Variants in NUP210L observed in about 807,000 individuals in gnomAD.
The protein encoded by NUP210L is nuclear pore membrane glycoprotein 210-like.
In NUP210L, 74 loss-of-function variants were observed where a neutral mutation model predicts 208.5. That is an observed-to-expected ratio of 0.35 (90% CI 0.29 to 0.43). The LOEUF is 0.43. NUP210L is among the 20% of genes least tolerant of loss of function. The pLI is 1.00. For missense variants in NUP210L, 1,843 were observed against 2,289.4 expected, an observed-to-expected ratio of 0.81 and a Z score of 3.98; for synonymous variants, 780 against 816.9, an observed-to-expected ratio of 0.95 and a Z score of 0.77.
chr1:154,054,530 C>T (rs1439611407), intron 24 of NUP210L, 123 bp from the exon 25 acceptor site: 3 of 894,062 alleles, frequency 3.4e-6, no homozygotes, highest in Non-Finnish European at 5.2e-6. Flanking sequence ...CAACATATCC[C>T]ATATCAACTC....
intron 32 of NUP210L, among the ~76,000 whole-genome samples, chr1:154,021,439 A>G (rs925291108): frequency 6.6e-6 from 1 of 151,868 alleles, no homozygotes; most frequent in African/African-American, 2.4e-5. Context: ...GTGAGCAGAG[A>G]TCATGTCACT....
exon 35 of NUP210L, chr1:154,009,994 A>G: frequency 1.2e-6 from 2 of 1,612,388 alleles, no homozygotes; most frequent in Non-Finnish European, 1.7e-6. Context: ...TGAAATCTGA[A>G]TGGACCTGAA....
At chr1:154,060,726 G>T in intron 19 of NUP210L, 85 bp from the exon 20 acceptor site, 1 of 930,290 alleles carries the variant, frequency 1.1e-6, no homozygotes. Flanking sequence ...ACCTAAGAAA[G>T]AATATGGGAT....
In NUP210L at chr1:154,044,415, A is replaced by AAAAAAG. The variant is rs1276982407; in HGVS notation, c.3696+1648_3696+1653dup. On this transcript the variant is annotated intron_variant, in intron 27 of 39. Transcript: ENST00000368559. Reference sequence around the variant, plus strand: ...AGAGGGAAACTCTGTCTCAAAAAAAAAAAAAGAAAAAGAAAAAGAAAAAAG... The same window carrying AAAAAAG: ...AGAGGGAAACTCTGTCTCAAAAAAAAAAAAAGAAAAAGAAAAAGAAAAAGAAAAAAG... Among the ~76,000 whole-genome samples, 16 of 151,722 alleles carry AAAAAAG rather than the reference A, an allele frequency of 1.1e-4. 1 individual carries two copies. Among genetic ancestry groups the AAAAAAG allele is most frequent in the South Asian group, 4.1e-4 (2 of 4,822 alleles).
At position 154,014,810 on chromosome 1, in the gene NUP210L, C is replaced by T. The variant is rs902299834; in HGVS notation, c.4654-2440G>A. Among the ~76,000 whole-genome samples, 4 of 152,166 alleles carry T rather than the reference C, an allele frequency of 2.6e-5. No individual in the cohort carries two copies. In the East Asian group the frequency reaches 7.7e-4, roughly 29 times the overall value. ...TTTCAGGCCAGGAGTTTGACACCAGCCTGGCCAACATGGCAAAACCCTGCC... is the reference window on the plus strand; with the variant it reads ...TTTCAGGCCAGGAGTTTGACACCAGTCTGGCCAACATGGCAAAACCCTGCC... On this transcript the variant is annotated intron_variant, in intron 33 of 39. Coordinates refer to ENST00000368559, the Ensembl canonical transcript of NUP210L.
chr1:154,134,060 G>T (rs1251733564), intron 7 of NUP210L, among the ~76,000 whole-genome samples: 1 of 149,954 alleles, frequency 6.7e-6, no homozygotes, highest in African/African-American at 2.5e-5. Context: ...CGAGGCAGGA[G>T]AATAACTCGA....
intron 2 of NUP210L, among the ~76,000 whole-genome samples, chr1:154,151,989 C>T (rs1051965992): frequency 2.0e-5 from 3 of 148,360 alleles, no homozygotes; most frequent in Non-Finnish European, 4.5e-5. Flanking sequence ...ACTCAAGAGG[C>T]TGAGCCAGGA....
At chr1:154,044,046 G>C (rs751420794) in intron 27 of NUP210L, among the ~76,000 whole-genome samples, 7 of 152,116 alleles carry the variant, frequency 4.6e-5, no homozygotes, top group East Asian at 1.9e-4. Context: ...ATTAAAGAAA[G>C]GGAGAAGTAG....
At chr1:154,024,828 A>C (rs1257722655) in intron 30 of NUP210L, among the ~76,000 whole-genome samples, 2 of 147,838 alleles carry the variant, frequency 1.4e-5, no homozygotes, top group Non-Finnish European at 3.0e-5. Flanking sequence ...CACCCAGCCC[A>C]GCCAATTTTG....
chr1:154,108,803 A>G (rs1656901923), intron 12 of NUP210L, among the ~76,000 whole-genome samples: 1 of 151,796 alleles, frequency 6.6e-6, no homozygotes, highest in African/African-American at 2.4e-5. Context: ...GTGACTGAAT[A>G]GATTTTTTTA....
chr1:154,077,470 C>T (rs974571988), intron 16 of NUP210L, among the ~76,000 whole-genome samples: 3 of 152,056 alleles, frequency 2.0e-5, no homozygotes, highest in Non-Finnish European at 4.4e-5. Flanking sequence ...GAAATTAAGA[C>T]ATTCTAAGAT....
At chr1:154,091,305 AG>A (rs1050213155) in intron 15 of NUP210L, among the ~76,000 whole-genome samples, 3 of 151,520 alleles carry the variant, frequency 2.0e-5, no homozygotes, top group African/African-American at 7.3e-5. Context: ...CATGTTGGCC[AG>A]GCTGATCTCG....
intron 4 of NUP210L, among the ~76,000 whole-genome samples, chr1:154,140,881 C>T (rs1015588886): frequency 6.6e-6 from 1 of 150,540 alleles, no homozygotes; most frequent in Non-Finnish European, 1.5e-5. Flanking sequence ...GTAGTCCTAG[C>T]TACTTAGGAG....
chr1:154,116,405 C>G (rs992466695), intron 12 of NUP210L, among the ~76,000 whole-genome samples: 2 of 147,754 alleles, frequency 1.4e-5, no homozygotes, highest in Admixed American at 6.9e-5. Context: ...GCCTGGGCAA[C>G]AGAGTGAGAC....
At chr1:153,994,266 G>T (rs1472188418) in intron 38 of NUP210L, among the ~76,000 whole-genome samples, 2 of 152,126 alleles carry the variant, frequency 1.3e-5, no homozygotes, top group African/African-American at 2.4e-5. Context: ...TTCCACTTCT[G>T]AGTGGTGTGT....
exon 31 of NUP210L, chr1:154,023,253 T>C (rs1651668568): frequency 6.2e-7 from 1 of 1,612,996 alleles, no homozygotes; most frequent in Non-Finnish European, 8.5e-7. Flanking sequence ...GGGCTGTGTA[T>C]AGCTTGGGTT....
At chr1:154,103,120 G>A (rs1296419551) in intron 13 of NUP210L, among the ~76,000 whole-genome samples, 7 of 151,856 alleles carry the variant, frequency 4.6e-5, no homozygotes, top group Non-Finnish European at 7.4e-5. Flanking sequence ...CTGGCTGGGC[G>A]CAGTGGCTCA....
chr1:154,080,005 A>G (rs993334088), intron 16 of NUP210L: 1 of 152,234 alleles, frequency 6.6e-6, no homozygotes, highest in African/African-American at 2.4e-5. Context: ...CATATACACA[A>G]AAATATAGTA....
At chr1:154,138,716 C>A (rs1484904479) in intron 5 of NUP210L, among the ~76,000 whole-genome samples, 1 of 152,054 alleles carries the variant, frequency 6.6e-6, no homozygotes, top group Non-Finnish European at 1.5e-5. Context: ...TAAATGCTTA[C>A]CAAAAAACAT....
Sources: allele counts gnomAD v4.1 joint callset (sites outside exome capture counted in the v4.1 genomes callset), GRCh38; gene constraint gnomAD v4.1.1; transcripts MANE v1.5; gene names NCBI Gene and HGNC (gene_info 2026-07-23, HGNC 2026-07-21).